DYNC2H1: variants seen among roughly 807,000 people sequenced by gnomAD.
DYNC2H1 encodes cytoplasmic dynein 2 heavy chain 1.
DYNC2H1 carries 410 observed loss-of-function variants against 570.0 expected under a neutral mutation model. The observed-to-expected ratio is 0.72, with a 90% CI of 0.66 to 0.78. The LOEUF is 0.78. Ranked by LOEUF, DYNC2H1 falls within the 30% of genes least tolerant of loss-of-function variation. The pLI, the probability that DYNC2H1 is intolerant of heterozygous loss-of-function variation, is 0.00. For synonymous variants in DYNC2H1, 1,688 were observed against 1,677.6 expected (o/e 1.01, Z -0.15); for missense variants, 4,865 against 5,046.4 (o/e 0.96, Z 1.09).
In DYNC2H1 at chr11:103,369,643, A is replaced by G. The variant is rs2135551111; in HGVS notation, c.12156+11284A>G. ...CCAGCTCAGCCACAACAGGATAGGGAACCAGTCAAAGTTGTGAGCCCTTTT... is the reference window on the plus strand; with the variant it reads ...CCAGCTCAGCCACAACAGGATAGGGGACCAGTCAAAGTTGTGAGCCCTTTT... On this transcript the variant is annotated intron_variant, in intron 83 of 88. Coordinates refer to ENST00000375735, the MANE Select transcript of DYNC2H1 (RefSeq NM_001377.3). The surrounding 1 kb of genome is among the most constrained non-coding windows in gnomAD (Gnocchi z 4.0). Among the ~76,000 whole-genome samples, 1 of 152,286 alleles carries G rather than the reference A, an allele frequency of 6.6e-6. No individual in the cohort carries two copies.
chr11:103,117,777 G>A lies in DYNC2H1; in HGVS notation c.913G>A (p.Val305Met), dbSNP rs201188696. 1.5e-4 allele frequency: 242 copies of A among 1,613,280 alleles called. No homozygotes were observed. Among genetic ancestry groups the A allele is most frequent in the Non-Finnish European group, 1.9e-4 (223 of 1,179,500 alleles). Residue 305 changes from valine to methionine, a missense_variant, in exon 6 of 89, where the codon GTG becomes ATG. Physicochemically the swap from Val to Met is conservative, Grantham distance 21. Around this residue, in one of 5 missense-constraint regions of DYNC2H1, gnomAD observed 1,936 missense variants for 1,962.1 expected, o/e 0.99. Coordinates refer to ENST00000375735, the MANE Select transcript of DYNC2H1 (RefSeq NM_001377.3). ...AGTCTGTAATCATCTAACAGGTCAG[G>A]TGTGGCAGCGCTATGTTCCTCATCC... ...VIVCNHLTGQVWQRYVPHPWK... is the reference protein window; with the variant it reads ...VIVCNHLTGQMWQRYVPHPWK...
intron 75 of DYNC2H1, among the ~76,000 whole-genome samples, chr11:103,294,043 C>CT (rs1250678741): frequency 6.6e-6 from 1 of 152,192 alleles, no homozygotes; most frequent in Non-Finnish European, 1.5e-5. Context: ...TACACCACTG[C>CT]ACTCCAGCCT....
At position 103,334,745 on chromosome 11, in the gene DYNC2H1, G is replaced by A. The variant is rs1939024412; in HGVS notation, c.12039+10755G>A. Among the ~76,000 whole-genome samples the A allele has an allele frequency of 6.6e-6, 1 of 152,026 alleles. No homozygotes were observed. The highest frequency in any genetic ancestry group is 6.5e-5 in the Admixed American group (1 of 15,270). On this transcript the variant is annotated intron_variant, in intron 82 of 88. Coordinates refer to ENST00000375735, the MANE Select transcript of DYNC2H1 (RefSeq NM_001377.3). The surrounding 1 kb of genome is among the most constrained non-coding windows in gnomAD (Gnocchi z 4.3). ...CAAATTTCTTAATAATTAAAGTAGA[G>A]AGGATTTTTGTTTCATGATAGAATT...
rs915091621 is a variant in DYNC2H1, at chr11:103,269,363, T to C, written c.10695+9386T>C. The stretch of plus-strand genomic sequence containing the variant: ...TTTATCACTATAACCTTACTTAGGA[T>C]GGAACCAATTTTATATTTAATGAAA... On this transcript the variant is annotated intron_variant, in intron 70 of 88. Transcript: ENST00000375735. Among the ~76,000 whole-genome samples the C allele has an allele frequency of 2.0e-5, 3 of 152,198 alleles. No homozygotes were observed. The East Asian group carries it at 5.8e-4, about 29-fold the overall frequency.
chr11:103,166,123 GT>G, intron 31 of DYNC2H1, 75 bp downstream of exon 31: 2 of 1,251,168 alleles, frequency 1.6e-6, no homozygotes, highest in East Asian at 2.8e-5. Flanking sequence ...TACCTATTGT[GT>G]TTTTGACTGT....
intron 59 of DYNC2H1, among the ~76,000 whole-genome samples, chr11:103,224,011 G>T (rs1445533415): frequency 1.3e-5 from 2 of 152,058 alleles, no homozygotes; most frequent in African/African-American, 4.8e-5. Context: ...CTCCCAAAGT[G>T]CTGGGATTAC....
At chr11:103,136,867 C>T (rs1451302238) in intron 17 of DYNC2H1, among the ~76,000 whole-genome samples, 1 of 152,142 alleles carries the variant, frequency 6.6e-6, no homozygotes, top group African/African-American at 2.4e-5. Context: ...TCCTATTTCT[C>T]CACATCCTCT....
intron 65 of DYNC2H1, 129 bp from the exon 66 acceptor site, chr11:103,253,156 C>A: frequency 1.2e-6 from 1 of 866,326 alleles, no homozygotes; most frequent in Non-Finnish European, 1.7e-6. Context: ...CTCAGGTAAC[C>A]CAACTTTTGC....
chr11:103,127,412 A>G (rs1010682338), intron 12 of DYNC2H1, among the ~76,000 whole-genome samples: 2 of 152,168 alleles, frequency 1.3e-5, no homozygotes, highest in African/African-American at 4.8e-5. Context: ...AACAGAATAT[A>G]TACTATTGTA....
chr11:103,468,449 C>G lies in DYNC2H1; in HGVS notation c.12649-140C>G, dbSNP rs1206087588. Reference sequence around the variant, plus strand: ...GTCCAGGCCTTACTGACTTTATTCTCAAAGTACCATAATCTTTGTTTTCAT... The same window carrying G: ...GTCCAGGCCTTACTGACTTTATTCTGAAAGTACCATAATCTTTGTTTTCAT... On this transcript the variant is annotated intron_variant, in intron 87 of 88. Coordinates refer to ENST00000375735, the MANE Select transcript of DYNC2H1 (RefSeq NM_001377.3). 3 of 583,480 alleles carry G rather than the reference C, an allele frequency of 5.1e-6. No homozygotes were observed. In the Admixed American group the frequency reaches 9.1e-5, roughly 18 times the overall value. The allele number at this position is 583,480 out of a possible 1,614,324, so 36.1% of individuals were successfully genotyped here.
Position 103,189,279 on chromosome 11 carries a change from AG to A in DYNC2H1, c.7293-389del, listed in dbSNP as rs796713205. Among the ~76,000 whole-genome samples the A allele has an allele frequency of 8.2e-4, 124 of 152,064 alleles. No individual in the cohort carries two copies. Among genetic ancestry groups the A allele is most frequent in the African/African-American group, 3.0e-3 (123 of 41,478 alleles). On this transcript the variant is annotated intron_variant, in intron 44 of 88. Transcript: ENST00000375735. This position sits in a 1 kb window ranked among gnomAD's most constrained non-coding sequence, Gnocchi z 4.3. ...TGAAATACATTTTGGTTTGGGAGAA[AG>A]GGGTTGATTTTATTTGTTGTATTAG... is the stretch of plus-strand genomic sequence containing the variant.
chr11:103,422,647 T>C (rs1190017547), intron 84 of DYNC2H1, among the ~76,000 whole-genome samples: 2 of 152,198 alleles, frequency 1.3e-5, no homozygotes, highest in African/African-American at 4.8e-5. Context: ...CATCCTATTA[T>C]GTTAAAAACT....
chr11:103,372,679 A>G (rs1490982271), intron 83 of DYNC2H1, among the ~76,000 whole-genome samples: 2 of 152,064 alleles, frequency 1.3e-5, no homozygotes, highest in East Asian at 3.9e-4. Context: ...ATTGGCCTGT[A>G]GTTTGCTTTT....
chr11:103,428,278 C>A (rs1943750085), intron 84 of DYNC2H1, among the ~76,000 whole-genome samples: 1 of 133,048 alleles, frequency 7.5e-6, no homozygotes, highest in Middle Eastern at 3.8e-3. Context: ...ATAAGTAACA[C>A]TGAGCAAATA....
Position 103,133,472 on chromosome 11 carries a change from A to T in DYNC2H1, c.1954-83A>T. The T allele has an allele frequency of 7.6e-7, 1 of 1,310,122 alleles. No individual in the cohort carries two copies. Among genetic ancestry groups the T allele is most frequent in the Non-Finnish European group, 1.1e-6 (1 of 952,194 alleles). 81.2% of individuals were successfully genotyped at this position (1,310,122 alleles called of 1,614,324 possible). On this transcript the variant is annotated intron_variant, in intron 13 of 88. Transcript: ENST00000375735. The surrounding 1 kb of genome is among the most constrained non-coding windows in gnomAD (Gnocchi z 4.8). ...TTTGTTGCAGGTCAGAGTTGGGGAT[A>T]GTTGAACTTTTGATATAGAATATTG...
At chr11:103,143,793 C>T (rs748336150) in intron 18 of DYNC2H1, among the ~76,000 whole-genome samples, 22 of 152,050 alleles carry the variant, frequency 1.4e-4, no homozygotes, top group Non-Finnish European at 3.1e-4. Flanking sequence ...GGAAGGCACA[C>T]AACATAGTGC....
At chr11:103,432,073 T>C (rs974473986) in intron 84 of DYNC2H1, among the ~76,000 whole-genome samples, 1 of 152,084 alleles carries the variant, frequency 6.6e-6, no homozygotes, top group Non-Finnish European at 1.5e-5. Context: ...TGACCTTTTT[T>C]TGGTGGAAGT....
At chr11:103,121,950 C>T (rs968192134) in intron 10 of DYNC2H1, among the ~76,000 whole-genome samples, 16 of 146,020 alleles carry the variant, frequency 1.1e-4, no homozygotes, top group African/African-American at 4.0e-4. Flanking sequence ...GATGCTATCT[C>T]AAAAAAAAAA....
intron 82 of DYNC2H1, among the ~76,000 whole-genome samples, chr11:103,356,493 C>T (rs938628156): frequency 6.9e-6 from 1 of 145,004 alleles, no homozygotes; most frequent in Admixed American, 7.3e-5. Flanking sequence ...ACTCTTTTTC[C>T]TTTAGACATC....
Sources: gnomAD v4.1 joint callset for allele counts (sites outside exome capture counted in the v4.1 genomes callset) on GRCh38, gnomAD v4.1.1 for gene constraint, gnomAD v4.1.1 regional missense constraint, Gnocchi (gnomAD v3.1) non-coding constraint, MANE v1.5 for transcripts, NCBI Gene and HGNC (gene_info 2026-07-23, HGNC 2026-07-21) for gene names.